The following KIAA1328 variants were observed in gnomAD, a reference collection of about 807,000 sequenced individuals.
The protein encoded by KIAA1328 is KIAA1328, also known as protein hinderin.
Under a neutral mutation model 68.1 loss-of-function variants are expected in KIAA1328, and 52 were observed. That is an observed-to-expected ratio of 0.76 (90% confidence interval 0.61 to 0.96). KIAA1328 has a LOEUF of 0.96. Ranked by LOEUF, KIAA1328 falls within the 40% of genes least tolerant of loss-of-function variation. KIAA1328 has a pLI of 0.00. For synonymous variants in KIAA1328, 232 were observed against 239.4 expected, an observed-to-expected ratio of 0.97 and a Z score of 0.28; for missense variants, 641 against 677.6, an observed-to-expected ratio of 0.95 and a Z score of 0.60.
At chr18:37,008,748 A>G (rs2053871347) in intron 6 of KIAA1328, among the ~76,000 whole-genome samples, 1 of 152,202 alleles carries the variant, frequency 6.6e-6, no homozygotes, top group Non-Finnish European at 1.5e-5. Context: ...GGCAAATACA[A>G]TACCCATAAT....
At chr18:36,839,239 A>G (rs2046780898) in intron 3 of KIAA1328, among the ~76,000 whole-genome samples, 1 of 152,086 alleles carries the variant, frequency 6.6e-6, no homozygotes, top group African/African-American at 2.4e-5. Flanking sequence ...TCCTCTGTTC[A>G]TATTTTTTTC....
chr18:36,962,534 C>T (rs1377293528), intron 6 of KIAA1328, among the ~76,000 whole-genome samples: 1 of 152,218 alleles, frequency 6.6e-6, no homozygotes, highest in Non-Finnish European at 1.5e-5. Context: ...CTCAGCACCA[C>T]ATCATGCTTA....
intron 5 of KIAA1328, among the ~76,000 whole-genome samples, chr18:36,901,371 T>C (rs1000459276): frequency 3.3e-5 from 5 of 152,090 alleles, no homozygotes; most frequent in African/African-American, 1.2e-4. Context: ...GATAGATTTA[T>C]GGCAAAACTC....
intron 9 of KIAA1328, among the ~76,000 whole-genome samples, chr18:37,183,405 G>A (rs537515324): frequency 1.3e-5 from 2 of 152,266 alleles, no homozygotes; most frequent in East Asian, 3.9e-4. Flanking sequence ...ATGGGCCCCA[G>A]TGATGTGTAT....
At chr18:37,087,117 C>T (rs915293707) in intron 7 of KIAA1328, among the ~76,000 whole-genome samples, 4 of 152,080 alleles carry the variant, frequency 2.6e-5, no homozygotes, top group Middle Eastern at 3.2e-3. Context: ...TCAAGTTCAG[C>T]GGCACAATCA....
At chr18:37,020,126 T>G (rs773538551) in intron 6 of KIAA1328, among the ~76,000 whole-genome samples, 13 of 152,074 alleles carry the variant, frequency 8.5e-5, no homozygotes, top group Non-Finnish European at 1.5e-4. Context: ...GTATTTCTTT[T>G]TTTTTTCTTT....
intron 9 of KIAA1328, among the ~76,000 whole-genome samples, chr18:37,180,060 A>C (rs1205187923): frequency 1.4e-4 from 2 of 14,590 alleles, no homozygotes; most frequent in Non-Finnish European, 2.3e-4. Flanking sequence ...TTCAAAAGCC[A>C]CACACACACA....
At position 36,985,755 on chromosome 18, in the gene KIAA1328, C is replaced by A. The variant is rs189397636; in HGVS notation, c.576+26320C>A. ...TAAGTATAAAACCTAAACTATTAAA[C>A]CCTCCAAAGAAAACAGGAAAAATCT... On this transcript the variant is annotated intron_variant, in intron 6 of 9. Coordinates refer to ENST00000280020, the MANE Select transcript of KIAA1328 (RefSeq NM_020776.3). 9.9e-5 allele frequency among the ~76,000 whole-genome samples: 15 copies of A among 152,186 alleles called. No homozygotes were observed. The East Asian group carries it at 2.9e-3, about 29-fold the overall frequency.
chr18:36,955,508 C>A (rs1289173180), intron 5 of KIAA1328, among the ~76,000 whole-genome samples: 1 of 151,810 alleles, frequency 6.6e-6, no homozygotes, highest in Non-Finnish European at 1.5e-5. Flanking sequence ...TGGGGTTTCA[C>A]CATGTTGGCC....
intron 6 of KIAA1328, among the ~76,000 whole-genome samples, chr18:37,036,392 C>G (rs561430854): frequency 1.3e-5 from 2 of 152,294 alleles, no homozygotes; most frequent in South Asian, 4.1e-4. Flanking sequence ...GCTACTAAGC[C>G]TGATATAGAC....
chr18:36,845,533 G>A (rs527841780), intron 4 of KIAA1328, among the ~76,000 whole-genome samples: 18 of 151,686 alleles, frequency 1.2e-4, no homozygotes, highest in Non-Finnish European at 1.5e-5. Flanking sequence ...TGAAATATTA[G>A]AGCATTAAGT....
intron 7 of KIAA1328, among the ~76,000 whole-genome samples, chr18:37,141,087 T>G (rs1208304462): frequency 3.3e-5 from 5 of 152,314 alleles, no homozygotes; most frequent in African/African-American, 1.2e-4. Context: ...ACTTTATTGT[T>G]AATCAACTTT....
intron 9 of KIAA1328, among the ~76,000 whole-genome samples, chr18:37,210,402 A>C (rs2060294248): frequency 6.6e-6 from 1 of 152,168 alleles, no homozygotes; most frequent in Non-Finnish European, 1.5e-5. Flanking sequence ...TTTGTTTATC[A>C]CTTCTCCTTA....
chr18:37,059,133 G>A (rs182102554), intron 6 of KIAA1328, among the ~76,000 whole-genome samples: 49 of 151,780 alleles, frequency 3.2e-4, no homozygotes, highest in African/African-American at 1.2e-3. Context: ...TTGCTTCATC[G>A]AACCTCATTT....
chr18:37,209,873 G>A lies in KIAA1328; in HGVS notation c.1524-12144G>A, dbSNP rs140072637. Among the ~76,000 whole-genome samples, 25 of 152,234 alleles carry A rather than the reference G, an allele frequency of 1.6e-4. No homozygotes were observed. The East Asian group carries it at 4.8e-3, about 29-fold the overall frequency. Reference sequence around the variant, plus strand: ...GAACTCAGGGGCAAGGTTGATATTGGAGCTATTCATTTAGCCATCATTAAC... The same window carrying A: ...GAACTCAGGGGCAAGGTTGATATTGAAGCTATTCATTTAGCCATCATTAAC... On this transcript the variant is annotated intron_variant, in intron 9 of 9. Transcript: ENST00000280020.
chr18:37,153,187 A>C (rs1039149858), intron 7 of KIAA1328, among the ~76,000 whole-genome samples: 1 of 152,116 alleles, frequency 6.6e-6, no homozygotes, highest in Non-Finnish European at 1.5e-5. Flanking sequence ...ACAAAACCCC[A>C]TGCATTTAAC....
At chr18:37,103,335 A>G (rs2057678876) in intron 7 of KIAA1328, among the ~76,000 whole-genome samples, 1 of 152,178 alleles carries the variant, frequency 6.6e-6, no homozygotes, top group Admixed American at 6.5e-5. Flanking sequence ...AGAATGGAGA[A>G]CCCAGAAATA....
intron 5 of KIAA1328, among the ~76,000 whole-genome samples, chr18:36,890,690 C>T (rs1025736383): frequency 1.3e-5 from 2 of 152,036 alleles, no homozygotes; most frequent in African/African-American, 4.8e-5. Flanking sequence ...GTAAACCTAA[C>T]AGTAATGTAC....
chr18:37,009,558 G>T (rs2053900134), intron 6 of KIAA1328, among the ~76,000 whole-genome samples: 1 of 152,068 alleles, frequency 6.6e-6, no homozygotes, highest in Non-Finnish European at 1.5e-5. Context: ...GTTAAACTGG[G>T]GGTTACTATT....
Sources: allele counts gnomAD v4.1 joint callset (sites outside exome capture counted in the v4.1 genomes callset), GRCh38; gene constraint gnomAD v4.1.1; transcripts MANE v1.5; gene names NCBI Gene and HGNC (gene_info 2026-07-23, HGNC 2026-07-21).